The following ENOX1 variants were observed in gnomAD, a reference collection of about 807,000 sequenced individuals.
ENOX1 encodes candidate growth-related and time keeping constitutive hydroquinone (NADH) oxidase.
In ENOX1, 42 loss-of-function variants were observed where a neutral mutation model predicts 82.5. The observed-to-expected ratio is 0.51, with a 90% CI of 0.40 to 0.66. The LOEUF is 0.66. Ranked by LOEUF, ENOX1 falls within the 30% of genes least tolerant of loss-of-function variation. ENOX1 has a pLI of 0.00. For missense variants in ENOX1, 608 were observed against 811.6 expected, an observed-to-expected ratio of 0.75 and a Z score of 3.05; for synonymous variants, 271 against 282.2, an observed-to-expected ratio of 0.96 and a Z score of 0.40.
In ENOX1 at chr13:43,337,996, A is replaced by T. The variant is rs185504350; in HGVS notation, c.1036+6542T>A. ...GGCACATATTCTTAAATTAATGTTA[A>T]TCAACCCTTCTGCACTGCTGCTGGC... On this transcript the variant is annotated intron_variant, in intron 9 of 16. Transcript: ENST00000690772. 2.0e-5 allele frequency among the ~76,000 whole-genome samples: 3 copies of T among 152,336 alleles called. No individual in the cohort carries two copies. In the East Asian group the frequency reaches 5.8e-4, roughly 29 times the overall value.
At chr13:43,419,520 C>G (rs112591033) in intron 3 of ENOX1, among the ~76,000 whole-genome samples, 2 of 152,142 alleles carry the variant, frequency 1.3e-5, no homozygotes, top group African/African-American at 4.8e-5. Context: ...TGCCACTGCA[C>G]TCTAGCCTGG....
At chr13:43,639,694 T>C (rs1010476524) in intron 2 of ENOX1, among the ~76,000 whole-genome samples, 1 of 152,224 alleles carries the variant, frequency 6.6e-6, no homozygotes, top group Non-Finnish European at 1.5e-5. Flanking sequence ...CACATGTATA[T>C]GTGATTCACT....
chr13:43,535,727 A>T (rs1295147815), intron 2 of ENOX1, among the ~76,000 whole-genome samples: 1 of 152,176 alleles, frequency 6.6e-6, no homozygotes, highest in African/African-American at 2.4e-5. Context: ...TTAATTTAGA[A>T]GAACTAAGCA....
At chr13:43,390,236 A>G (rs2052688267) in intron 5 of ENOX1, among the ~76,000 whole-genome samples, 1 of 152,196 alleles carries the variant, frequency 6.6e-6, no homozygotes, top group Non-Finnish European at 1.5e-5. Flanking sequence ...CGGCACAAAG[A>G]TATGAAATCA....
intron 7 of ENOX1, among the ~76,000 whole-genome samples, chr13:43,357,937 C>G (rs920009310): frequency 6.6e-6 from 1 of 152,110 alleles, no homozygotes. Context: ...CTGGGACTGA[C>G]GCTGCAGCCT....
At chr13:43,335,768 CAAAAAAA>C (rs386378967) in intron 9 of ENOX1, among the ~76,000 whole-genome samples, 1 of 116,926 alleles carries the variant, frequency 8.6e-6, no homozygotes, top group African/African-American at 3.3e-5. Context: ...GGAAGGATAC[CAAAAAAA>C]AAAAAAAAGA....
chr13:43,620,857 C>T (rs2082694899), intron 2 of ENOX1, among the ~76,000 whole-genome samples: 1 of 152,102 alleles, frequency 6.6e-6, no homozygotes, highest in Admixed American at 6.6e-5. Flanking sequence ...TGAAGTCCCA[C>T]ACTATTATTG....
intron 3 of ENOX1, among the ~76,000 whole-genome samples, chr13:43,430,370 T>C (rs560373379): frequency 6.6e-6 from 1 of 152,350 alleles, no homozygotes; most frequent in African/African-American, 2.4e-5. Flanking sequence ...GTTTTGCCCC[T>C]GCCTATTGAC....
Position 43,661,580 on chromosome 13 carries a change from GCAGGAAGTCTGGT to G in ENOX1, c.-219+5886_-219+5898del, listed in dbSNP as rs1418750436. Among the ~76,000 whole-genome samples, 28 of 152,290 alleles carry G rather than the reference GCAGGAAGTCTGGT, an allele frequency of 1.8e-4. No individual in the cohort carries two copies. The South Asian group carries it at 2.5e-3, about 14-fold the overall frequency. On this transcript the variant is annotated intron_variant, in intron 2 of 16. Transcript: ENST00000690772. ...ATGTAATCTGCCAATACTGTATAGG[GCAGGAAGTCTGGT>G]CACAGAAAACAGTTAAGACACTAAA...
At chr13:43,700,956 A>G (rs533194426) in intron 1 of ENOX1, among the ~76,000 whole-genome samples, 1 of 152,274 alleles carries the variant, frequency 6.6e-6, no homozygotes, top group East Asian at 1.9e-4. Context: ...TGGAATTTTA[A>G]AAGATTTTTT....
chr13:43,486,530 G>A (rs1311537183), intron 2 of ENOX1, among the ~76,000 whole-genome samples: 2 of 152,130 alleles, frequency 1.3e-5, no homozygotes, highest in Non-Finnish European at 2.9e-5. Flanking sequence ...ATATACTTAT[G>A]AGCCAAACAA....
intron 2 of ENOX1, among the ~76,000 whole-genome samples, chr13:43,644,732 T>A (rs958078819): frequency 3.9e-5 from 6 of 152,200 alleles, no homozygotes; most frequent in Non-Finnish European, 7.3e-5. Flanking sequence ...GCTCATCTAT[T>A]TTAGTTAAAT....
chr13:43,383,036 G>T (rs180915898), intron 5 of ENOX1, among the ~76,000 whole-genome samples: 1 of 152,242 alleles, frequency 6.6e-6, no homozygotes, highest in East Asian at 1.9e-4. Context: ...CCAGTTATAT[G>T]CCAATTCTAT....
At chr13:43,259,789 T>C (rs1339211032) in intron 14 of ENOX1, among the ~76,000 whole-genome samples, 1 of 152,140 alleles carries the variant, frequency 6.6e-6, no homozygotes, top group African/African-American at 2.4e-5. Context: ...TTCCTTTTGA[T>C]AGAGCTGTGG....
At chr13:43,747,006 C>T (rs1235883339) in intron 1 of ENOX1, among the ~76,000 whole-genome samples, 2 of 152,068 alleles carry the variant, frequency 1.3e-5, no homozygotes, top group African/African-American at 2.4e-5. Flanking sequence ...TCGGGGCAGC[C>T]AAAAGTGTTT....
intron 1 of ENOX1, among the ~76,000 whole-genome samples, chr13:43,674,501 C>G (rs542106590): frequency 2.0e-5 from 3 of 152,076 alleles, no homozygotes; most frequent in Middle Eastern, 3.2e-3. Context: ...CATACTATAC[C>G]ATTCCAACTA....
intron 3 of ENOX1, among the ~76,000 whole-genome samples, chr13:43,457,530 G>T (rs2057288779): frequency 6.6e-6 from 1 of 151,928 alleles, no homozygotes; most frequent in African/African-American, 2.4e-5. Flanking sequence ...AGGGAGGGAG[G>T]GGGAAGGAGA....
At chr13:43,720,060 G>A (rs1272389155) in intron 1 of ENOX1, among the ~76,000 whole-genome samples, 1 of 151,638 alleles carries the variant, frequency 6.6e-6, no homozygotes, top group African/African-American at 2.4e-5. Context: ...AGAGAACAGT[G>A]TTTCATTTTG....
At chr13:43,291,224 A>G (rs1044135310) in intron 12 of ENOX1, among the ~76,000 whole-genome samples, 1 of 151,992 alleles carries the variant, frequency 6.6e-6, no homozygotes, top group Admixed American at 6.5e-5. Flanking sequence ...ATCCCTCACT[A>G]CTTCTGCACA....
Sources: gnomAD v4.1 joint callset for allele counts (sites outside exome capture counted in the v4.1 genomes callset) on GRCh38, gnomAD v4.1.1 for gene constraint, MANE v1.5 for transcripts, NCBI Gene and HGNC (gene_info 2026-07-23, HGNC 2026-07-21) for gene names.